Variants in DIAPH2 observed in about 807,000 individuals in gnomAD.
DIAPH2 encodes diaphanous related formin 2, also known as protein diaphanous homolog 2.
In DIAPH2, 35 loss-of-function variants were observed where a neutral mutation model predicts 92.7. The ratio of observed to expected loss-of-function variants is 0.38; its 90% CI spans 0.29 to 0.50. The LOEUF is 0.50. DIAPH2 is among the 20% of genes least tolerant of loss of function. DIAPH2 has a pLI of 0.94. For synonymous variants in DIAPH2, 301 were observed against 280.4 expected, an observed-to-expected ratio of 1.07 and a Z score of -0.73; for missense variants, 701 against 819.5, an observed-to-expected ratio of 0.86 and a Z score of 1.77.
rs991585013 is a variant in DIAPH2, at chrX:96,724,173, G to A, written c.133-11585G>A. On this transcript the variant is annotated intron_variant, in intron 1 of 26. Transcript: ENST00000324765. ...ACTCCTGACCTCAAGTGATCCGCCC[G>A]CCTCCGCCTTCCAAAGTGTCGGGAT... is the stretch of plus-strand genomic sequence containing the variant. 2.0e-4 allele frequency among the ~76,000 whole-genome samples: 22 copies of A among 110,532 alleles called. No homozygotes were observed. In the South Asian group the frequency reaches 8.5e-3, roughly 43 times the overall value.
rs1178661129 is a variant in DIAPH2 at position 97,237,587 on chromosome X, T to G, written c.2720-10128T>G. The stretch of plus-strand genomic sequence containing the variant: ...ATTTTTCTTTTTCTTTTTTCTATTT[T>G]TTTTTTTGAGACAAGAGTCTCTCTC... On this transcript the variant is annotated intron_variant, in intron 22 of 26. Coordinates refer to ENST00000324765, the MANE Select transcript of DIAPH2 (RefSeq NM_006729.5). Among the ~76,000 whole-genome samples the G allele has an allele frequency of 1.8e-5, 2 of 110,486 alleles. 1 individual carries two copies. Among genetic ancestry groups the G allele is most frequent in the Non-Finnish European group, 3.8e-5 (2 of 52,801 alleles).
At chrX:96,836,993 C>T (rs1053003148) in intron 4 of DIAPH2, among the ~76,000 whole-genome samples, 3 of 107,088 alleles carry the variant, frequency 2.8e-5, no homozygotes, top group African/African-American at 1.0e-4. Flanking sequence ...TCCCAAAGTG[C>T]TGGGATTACA....
chrX:96,969,015 T>C (rs2065910951), intron 17 of DIAPH2, among the ~76,000 whole-genome samples: 2 of 112,614 alleles, frequency 1.8e-5, no homozygotes, highest in Admixed American at 1.9e-4. Context: ...TTTGACTTTG[T>C]CAAAATTCAG....
chrX:97,357,033 A>G (rs2069274407), intron 24 of DIAPH2, among the ~76,000 whole-genome samples: 1 of 112,093 alleles, frequency 8.9e-6, no homozygotes, highest in Non-Finnish European at 1.9e-5. Flanking sequence ...AACTAGAATC[A>G]GGAAACAGAA....
chrX:97,544,989 C>T (rs769773659), intron 26 of DIAPH2, among the ~76,000 whole-genome samples: 1 of 110,985 alleles, frequency 9.0e-6, no homozygotes, highest in South Asian at 3.8e-4. Context: ...CCTCAGCCTC[C>T]CAAAGTGCTG....
chrX:96,885,098 G>C, intron 5 of DIAPH2: 1 of 1,198,536 alleles, frequency 8.3e-7, no homozygotes, highest in Non-Finnish European at 1.1e-6. Context: ...GCTGATTGAG[G>C]CAGGGAAAAC....
At position 97,363,895 on chromosome X, in the gene DIAPH2, CA is replaced by C. The variant is rs887012647; in HGVS notation, c.3009+15618del. On this transcript the variant is annotated intron_variant, in intron 24 of 26. Transcript: ENST00000324765. ...AATATGAAAAATTATAAGGAACTTACAAAGACATTTAGTTCATCTTGGATTC... is the reference window on the plus strand; with the variant it reads ...AATATGAAAAATTATAAGGAACTTACAAGACATTTAGTTCATCTTGGATTC... Among the ~76,000 whole-genome samples, 6 of 111,032 alleles carry C rather than the reference CA, an allele frequency of 5.4e-5. No homozygotes were observed. In the Admixed American group the frequency reaches 5.8e-4, roughly 11 times the overall value.
chrX:96,983,124 G>T (rs190058015), intron 17 of DIAPH2, among the ~76,000 whole-genome samples: 13 of 110,969 alleles, frequency 1.2e-4, no homozygotes, highest in Admixed American at 2.9e-4. Flanking sequence ...TGCTAATGTT[G>T]TCTATTATCT....
At chrX:97,128,331 C>T (rs1179185687) in intron 21 of DIAPH2, among the ~76,000 whole-genome samples, 1 of 110,887 alleles carries the variant, frequency 9.0e-6, no homozygotes, top group African/African-American at 3.3e-5. Context: ...CCAAAAGTCA[C>T]TCTCATCGCC....
At chrX:97,061,825 A>C (rs1429593355) in intron 17 of DIAPH2, among the ~76,000 whole-genome samples, 1 of 108,286 alleles carries the variant, frequency 9.2e-6, no homozygotes. Context: ...AAAAAAAAAA[A>C]AAAAAAAAAA....
At chrX:97,439,346 A>C (rs1224209294) in intron 26 of DIAPH2, among the ~76,000 whole-genome samples, 3 of 110,920 alleles carry the variant, frequency 2.7e-5, no homozygotes, top group Admixed American at 1.9e-4. Flanking sequence ...AGGCCGAGGC[A>C]GGGGGATCAC....
At chrX:97,143,076 A>G (rs2067218737) in intron 22 of DIAPH2, among the ~76,000 whole-genome samples, 1 of 111,440 alleles carries the variant, frequency 9.0e-6, no homozygotes, top group African/African-American at 3.3e-5. Flanking sequence ...ATTGTATTGT[A>G]TTATTTATTT....
chrX:97,283,594 G>A (rs1329850233), intron 23 of DIAPH2, among the ~76,000 whole-genome samples: 6 of 112,403 alleles, frequency 5.3e-5, no homozygotes, highest in Non-Finnish European at 1.1e-4. Flanking sequence ...CTTATATGAG[G>A]GCCATTGATT....
chrX:97,115,578 C>T (rs892575163), intron 21 of DIAPH2, among the ~76,000 whole-genome samples: 1 of 111,141 alleles, frequency 9.0e-6, no homozygotes, highest in African/African-American at 3.3e-5. Context: ...TATTATATTT[C>T]CTTTACATTA....
intron 5 of DIAPH2, among the ~76,000 whole-genome samples, chrX:96,887,086 G>A (rs2065268304): frequency 9.0e-6 from 1 of 110,758 alleles, no homozygotes; most frequent in Non-Finnish European, 1.9e-5. Flanking sequence ...TCCTCCCAAC[G>A]CTTATTCTTC....
chrX:97,150,095 C>T (rs1167475428), intron 22 of DIAPH2, among the ~76,000 whole-genome samples: 2 of 111,132 alleles, frequency 1.8e-5, no homozygotes, highest in Non-Finnish European at 3.8e-5. Flanking sequence ...TTATTATTGA[C>T]TATAATTACA....
chrX:97,242,563 A>G (rs757807601), intron 22 of DIAPH2, among the ~76,000 whole-genome samples: 1 of 109,097 alleles, frequency 9.2e-6, no homozygotes, highest in African/African-American at 3.3e-5. Flanking sequence ...ACGGGGTTTC[A>G]CCATGTTGGC....
chrX:97,405,658 T>C (rs1281802579), intron 25 of DIAPH2, among the ~76,000 whole-genome samples: 1 of 112,151 alleles, frequency 8.9e-6, no homozygotes, highest in African/African-American at 3.2e-5. Context: ...CCCTACCTCT[T>C]TTCTATTTGG....
intron 24 of DIAPH2, among the ~76,000 whole-genome samples, chrX:97,363,345 C>T (rs1448597186): frequency 3.6e-5 from 4 of 111,044 alleles, no homozygotes; most frequent in Non-Finnish European, 7.5e-5. Context: ...CAAAGCAAAA[C>T]AGTATTTTTG....
Sources: allele counts gnomAD v4.1 joint callset (sites outside exome capture counted in the v4.1 genomes callset), GRCh38; gene constraint gnomAD v4.1.1; transcripts MANE v1.5; gene names NCBI Gene and HGNC (gene_info 2026-07-23, HGNC 2026-07-21).